Variants in NPC1L1 observed in about 807,000 individuals in gnomAD.
NPC1L1 encodes the protein NPC1-like intracellular cholesterol transporter 1.
A neutral mutation model predicts 117.0 loss-of-function variants in NPC1L1; 98 were observed. The observed-to-expected ratio is 0.84, with a 90% CI of 0.71 to 0.99. NPC1L1 has a LOEUF of 0.99. Ranked by LOEUF, NPC1L1 falls within the 50% of genes least tolerant of loss-of-function variation. The probability of loss-of-function intolerance (pLI) is 0.00; values close to 1 mark genes in which losing one functional copy is unlikely to be tolerated. For missense variants in NPC1L1, 1,540 were observed against 1,710.0 expected (o/e 0.90, Z 1.75); for synonymous variants, 729 against 727.6 (o/e 1.00, Z -0.03).
At chr7:44,519,654 C>T (rs1262493159) in intron 14 of NPC1L1, among the ~76,000 whole-genome samples, 1 of 152,168 alleles carries the variant, frequency 6.6e-6, no homozygotes, top group South Asian at 2.1e-4. Flanking sequence ...GCACGAGCTC[C>T]CTTAGGGCCC....
In NPC1L1 at chr7:44,540,230, G is replaced by A. The variant is rs1270398359; in HGVS notation, c.167C>T (p.Ser56Phe). ...SGSLMTLSNV[S>F]CLSNTPARKI... ...GCGGGCCGGCGTGTTGGACAGGCAGGACACGTTGGAGAGTGTCATGAGGCT... is the reference window on the plus strand; with the variant it reads ...GCGGGCCGGCGTGTTGGACAGGCAGAACACGTTGGAGAGTGTCATGAGGCT... Residue 56 changes from serine to phenylalanine, a missense_variant, in exon 2 of 19, where the codon TCC becomes TTC. Ser to Phe is a radical substitution (Grantham distance 155, BLOSUM62 -2). Coordinates refer to ENST00000381160, the MANE Select transcript of NPC1L1 (RefSeq NM_001101648.2). The A allele has an allele frequency of 6.2e-7, 1 of 1,614,116 alleles. No individual in the cohort carries two copies. The highest frequency in any genetic ancestry group is 1.3e-5 in the African/African-American group (1 of 75,022).
chr7:44,537,483 C>T (rs946356446), intron 2 of NPC1L1, among the ~76,000 whole-genome samples: 3 of 152,192 alleles, frequency 2.0e-5, no homozygotes, highest in Middle Eastern at 3.2e-3. Flanking sequence ...AGCCCAGCAG[C>T]CAATGTTTTC....
intron 14 of NPC1L1, among the ~76,000 whole-genome samples, chr7:44,518,864 T>TGCCCA (rs1169962535): frequency 1.3e-5 from 2 of 152,058 alleles, no homozygotes; most frequent in African/African-American, 4.8e-5. Flanking sequence ...CACACACAAA[T>TGCCCA]GCCCAGCCCA....
At chr7:44,522,298 C>A in intron 10 of NPC1L1, 56 bp from the exon 11 acceptor site, 2 of 1,496,248 alleles carry the variant, frequency 1.3e-6, no homozygotes, top group Admixed American at 3.7e-5. Context: ...CCCTAAAGGG[C>A]TCAATCCAGC....
Position 44,521,059 on chromosome 7 carries a change from C to G in NPC1L1, c.3013G>C (p.Val1005Leu). ...SITMGSVRPS[V>L]EQFHKYLPWF... ...GGAAGATACTTATGGAACTGCTCCACCGAGGGCCTCACAGAGCCCATCGTG... is the reference window on the plus strand; with the variant it reads ...GGAAGATACTTATGGAACTGCTCCAGCGAGGGCCTCACAGAGCCCATCGTG... The change falls in exon 13 of 19, where the codon GTG becomes CTG. Residue 1005 changes from valine (V) to leucine (L), a missense_variant. By Grantham distance (32) the Val-to-Leu change is conservative (BLOSUM62 1). Around this residue, in one of 3 missense-constraint regions of NPC1L1, gnomAD observed 742 missense variants for 873.6 expected, o/e 0.85. Transcript: ENST00000381160. 6.2e-7 allele frequency: 1 copy of G among 1,614,208 alleles called. No individual in the cohort carries two copies. Among genetic ancestry groups the G allele is most frequent in the Middle Eastern group, 1.6e-4 (1 of 6,062 alleles).
chr7:44,522,203 A>T lies in NPC1L1; in HGVS notation c.2677T>A (p.Tyr893Asn), dbSNP rs1244903402. 3 of 1,613,772 alleles carry T rather than the reference A, an allele frequency of 1.9e-6. No homozygotes were observed. Among genetic ancestry groups the T allele is most frequent in the Admixed American group, 3.3e-5 (2 of 59,958 alleles). Residue 893 changes from tyrosine (Y) to asparagine (N), a missense_variant, in exon 11 of 19, where the codon TAC becomes AAC. This residue lies in a region of NPC1L1 where 742 missense variants were observed against 873.6 expected (regional missense o/e 0.85). Transcript: ENST00000381160. ...TACACCGGGGCCCCCACCTCGAAGT[A>T]GCGGTTCAGAAAGAGGAAATAGTCA... The part of the protein sequence containing the change: ...LLDYFLFLNR[Y>N]FEVGAPVYFV...
chr7:44,517,615 A>G (rs1440393401), intron 14 of NPC1L1, among the ~76,000 whole-genome samples: 1 of 152,230 alleles, frequency 6.6e-6, no homozygotes, highest in Non-Finnish European at 1.5e-5. Context: ...AAGCCTACAG[A>G]GATCTCCCTA....
chr7:44,521,223 G>T, intron 12 of NPC1L1, 105 bp from the exon 13 acceptor site: 1 of 1,463,318 alleles, frequency 6.8e-7, no homozygotes, highest in Non-Finnish European at 9.5e-7. Flanking sequence ...GGGCACTCCA[G>T]CCTCAACCAG....
chr7:44,537,240 G>A (rs983005925), intron 2 of NPC1L1, among the ~76,000 whole-genome samples: 18 of 152,226 alleles, frequency 1.2e-4, no homozygotes, highest in Admixed American at 4.6e-4. Flanking sequence ...GCTGCTCCGG[G>A]ACCTGTCCCT....
At chr7:44,520,141 A>G (rs1449276988) in intron 14 of NPC1L1, among the ~76,000 whole-genome samples, 1 of 152,060 alleles carries the variant, frequency 6.6e-6, no homozygotes, top group East Asian at 1.9e-4. Flanking sequence ...TTACCCAGAC[A>G]TGATGGTATG....
intron 2 of NPC1L1, among the ~76,000 whole-genome samples, 186 bp from the exon 3 acceptor site, chr7:44,537,128 G>T (rs906432630): frequency 2.0e-5 from 3 of 152,156 alleles, no homozygotes; most frequent in South Asian, 2.1e-4. Flanking sequence ...GGACCCAGCC[G>T]AGTGGGTCCT....
Position 44,539,531 on chromosome 7 carries a change from A to T in NPC1L1, c.866T>A (p.Ile289Asn), listed in dbSNP as rs778596405. 1 of 1,613,868 alleles carries T rather than the reference A, an allele frequency of 6.2e-7. No homozygotes were observed. Among genetic ancestry groups the T allele is most frequent in the Non-Finnish European group, 8.5e-7 (1 of 1,179,808 alleles). ...GQMPGSLVLIIILCSVFAVVT... is the reference protein window; with the variant it reads ...GQMPGSLVLINILCSVFAVVT... Reference sequence around the variant, plus strand: ...CACAGCGAAGACAGAGCAGAGGATGATGATGAGGACCAGACTGCCCGGCAT... The same window carrying T: ...CACAGCGAAGACAGAGCAGAGGATGTTGATGAGGACCAGACTGCCCGGCAT... The change falls in exon 2 of 19, where the codon ATC becomes AAC. Residue 289 changes from isoleucine (I) to asparagine (N), a missense_variant. Physicochemically the swap from Ile to Asn is moderately radical, Grantham distance 149. Transcript: ENST00000381160. This position sits in a 1 kb window ranked among gnomAD's most constrained non-coding sequence, Gnocchi z 4.4.
chr7:44,532,300 C>A, intron 8 of NPC1L1, 83 bp from the exon 9 acceptor site: 1 of 1,579,538 alleles, frequency 6.3e-7, no homozygotes, highest in South Asian at 1.1e-5. Context: ...GGGAGTGTCA[C>A]CTTCTGTGGG....
Position 44,536,575 on chromosome 7 carries a change from A to G in NPC1L1, c.1682-147T>C, listed in dbSNP as rs1801901838. 5.3e-6 allele frequency: 5 copies of G among 947,828 alleles called. No homozygotes were observed. The highest frequency in any genetic ancestry group is 5.1e-5 in the East Asian group (2 of 39,082). The allele number at this position is 947,828 out of a possible 1,614,324, so 58.7% of individuals were successfully genotyped here. ...CCCCCACTCCTTCCTCATCTGATAC[A>G]TGGCCTTACCTCCTACACCCCACTT... On this transcript the variant is annotated intron_variant, in intron 3 of 18. Coordinates refer to ENST00000381160, the MANE Select transcript of NPC1L1 (RefSeq NM_001101648.2). The surrounding 1 kb of genome is among the most constrained non-coding windows in gnomAD (Gnocchi z 4.7).
rs765517952 is a variant in NPC1L1, at chr7:44,515,904, G to A, written c.3695C>T (p.Ala1232Val). ...GAAGAAGAAGATCTGAATGAGCTGG[G>A]CCTTGGCGAGGCCCAGGACAAGGAT... ...PGILVLGLAKAQLIQIFFFRL... is the reference protein window; with the variant it reads ...PGILVLGLAKVQLIQIFFFRL... The change falls in exon 18 of 19, where the codon GCC becomes GTC. Residue 1232 changes from alanine to valine, a missense_variant. By Grantham distance (64) the Ala-to-Val change is moderately conservative (BLOSUM62 0). Around this residue, in one of 3 missense-constraint regions of NPC1L1, gnomAD observed 742 missense variants for 873.6 expected, o/e 0.85. Transcript: ENST00000381160. 2 of 1,614,206 alleles carry A rather than the reference G, an allele frequency of 1.2e-6. No homozygotes were observed. The highest frequency in any genetic ancestry group is 1.7e-6 in the Non-Finnish European group (2 of 1,180,032).
Position 44,517,286 on chromosome 7 carries a change from G to C in NPC1L1, c.3208C>G (p.Arg1070Gly), listed in dbSNP as rs762878287. 6.2e-7 allele frequency: 1 copy of C among 1,614,172 alleles called. No homozygotes were observed. The highest frequency in any genetic ancestry group is 8.5e-7 in the Non-Finnish European group (1 of 1,180,036). The change falls in exon 15 of 19, where the codon CGA becomes GGA. Residue 1070 changes from arginine (R) to glycine (G), a missense_variant. Physicochemically the swap from Arg to Gly is moderately radical, Grantham distance 125. Transcript: ENST00000381160. ...QDYTEALRAA[R>G]ELAANITADL... ...GCAGTGATGTTGGCTGCCAGCTCTC[G>C]AGCTGCCCGCAGAGCTTCTGTGTAA...
intron 18 of NPC1L1, among the ~76,000 whole-genome samples, chr7:44,515,125 A>G (rs1273557824): frequency 6.6e-6 from 1 of 152,146 alleles, no homozygotes; most frequent in East Asian, 1.9e-4. Context: ...GTGGAAGGCC[A>G]TGGTGGATCA....
rs79836534 is a variant in NPC1L1 at position 44,535,883 on chromosome 7, A to T, written c.1940T>A (p.Ile647Asn). The part of the protein sequence containing the change: ...ATSYIVIFLY[I>N]SLALGSYSSW... ...GGAATAGCTGCCCAGGGCCAGAGAG[A>T]TGTACAGGAATATGACAATGTAGCT... Residue 647 changes from isoleucine (I) to asparagine (N), a missense_variant, in exon 5 of 19, where the codon ATC (isoleucine) becomes AAC (asparagine). Physicochemically the swap from Ile to Asn is moderately radical, Grantham distance 149. Transcript: ENST00000381160. 3.0e-4 allele frequency: 483 copies of T among 1,613,286 alleles called. 3 individuals carry two copies. In the African/African-American group the frequency reaches 6.1e-3, roughly 20 times the overall value.
chr7:44,521,163 C>A, intron 12 of NPC1L1, 45 bp from the exon 13 acceptor site: 1 of 1,613,098 alleles, frequency 6.2e-7, no homozygotes, highest in East Asian at 2.2e-5. Flanking sequence ...CCAGGGCCAG[C>A]AGCTCCTGCT....
Sources: allele counts gnomAD v4.1 joint callset (sites outside exome capture counted in the v4.1 genomes callset), GRCh38; gene constraint gnomAD v4.1.1; regional missense constraint gnomAD v4.1.1; non-coding constraint Gnocchi (gnomAD v3.1); transcripts MANE v1.5; gene names NCBI Gene and HGNC (gene_info 2026-07-23, HGNC 2026-07-21).